Variants in TOGARAM1 observed in about 807,000 individuals in gnomAD.
TOGARAM1 encodes TOG array regulator of axonemal microtubules 1, also known as TOG array regulator of axonemal microtubules protein 1.
A neutral mutation model predicts 166.6 loss-of-function variants in TOGARAM1; 100 were observed. The ratio of observed to expected loss-of-function variants is 0.60; its 90% confidence interval spans 0.51 to 0.71. The LOEUF is 0.71. Ranked by LOEUF, TOGARAM1 falls within the 30% of genes least tolerant of loss-of-function variation. The pLI is 0.00. For synonymous variants in TOGARAM1, 758 were observed against 763.8 expected (o/e 0.99, Z 0.13); for missense variants, 2,029 against 2,102.7 (o/e 0.96, Z 0.69).
intron 11 of TOGARAM1, among the ~76,000 whole-genome samples, chr14:45,043,005 G>A (rs1467071898): frequency 6.6e-6 from 1 of 152,148 alleles, no homozygotes; most frequent in East Asian, 1.9e-4. Context: ...TAGCACCTAA[G>A]AATCATACTG....
intron 7 of TOGARAM1, among the ~76,000 whole-genome samples, chr14:45,017,406 A>AACACAC (rs113544622): frequency 0.046 from 6,737 of 145,198 alleles, 463 homozygotes; most frequent in African/African-American, 0.16. Context: ...ATGCACACAA[A>AACACAC]ACACACACAC....
At chr14:44,966,368 G>T (rs1377341192) in intron 1 of TOGARAM1, among the ~76,000 whole-genome samples, 1 of 151,838 alleles carries the variant, frequency 6.6e-6, no homozygotes, top group Non-Finnish European at 1.5e-5. Context: ...AGCTACTCGG[G>T]AGGCTGAGGC....
At position 44,962,726 on chromosome 14, in the gene TOGARAM1, T is replaced by C; in HGVS notation, c.305T>C (p.Leu102Pro). ...GDEEDTRLLQLLRTARDPSEA... is the reference protein window; with the variant it reads ...GDEEDTRLLQPLRTARDPSEA... ...GAAGAGGACACTCGGCTCCTTCAACTCCTCCGCACTGCCCGGGATCCTTCT... is the reference window on the plus strand; with the variant it reads ...GAAGAGGACACTCGGCTCCTTCAACCCCTCCGCACTGCCCGGGATCCTTCT... Residue 102 changes from leucine to proline, a missense_variant, in exon 1 of 20, where the codon CTC becomes CCC. By Grantham distance (98) the Leu-to-Pro change is moderately conservative. Around this residue, in one of 2 missense-constraint regions of TOGARAM1, gnomAD observed 1,453 missense variants for 1,432.2 expected, o/e 1.01. Transcript: ENST00000361462. The C allele has an allele frequency of 6.2e-7, 1 of 1,613,858 alleles. No homozygotes were observed. Among genetic ancestry groups the C allele is most frequent in the East Asian group, 2.2e-5 (1 of 44,852 alleles).
At position 44,995,893 on chromosome 14, in the gene TOGARAM1, T is replaced by C. The variant is rs749023416; in HGVS notation, c.2194T>C (p.Cys732Arg). 6.2e-7 allele frequency: 1 copy of C among 1,605,942 alleles called. No individual in the cohort carries two copies. The highest frequency in any genetic ancestry group is 1.1e-5 in the South Asian group (1 of 88,972). ...RDFNPDCLPLCAAGTTGTHQT... is the reference protein window; with the variant it reads ...RDFNPDCLPLRAAGTTGTHQT... ...TTTTAACCCAGATTGTCTTCCTTTA[T>C]GTGCTGCTGGTAAGTACAAGTTGCT... The change falls in exon 2 of 20, where the codon TGT (cysteine) becomes CGT (arginine). Residue 732 changes from cysteine to arginine, a missense_variant. By Grantham distance (180) the Cys-to-Arg change is radical. Transcript: ENST00000361462.
rs2273180 is a variant in TOGARAM1, at chr14:44,999,635, T to G, written c.2338+138T>G. On this transcript the variant is annotated intron_variant, in intron 3 of 19. Transcript: ENST00000361462. ...GATTTTGTTATATTTTTAATAACTT[T>G]TTTCATAATTGTTACCCTAAAGTAT... 252 of 692,270 alleles carry G rather than the reference T, an allele frequency of 3.6e-4. 1 individual carries two copies. In the East Asian group the frequency reaches 7.5e-3, roughly 21 times the overall value. 42.9% of individuals were successfully genotyped at this position (692,270 alleles called of 1,614,324 possible).
Position 45,004,259 on chromosome 14 carries a change from A to G in TOGARAM1, c.2537A>G (p.Asn846Ser). The G allele has an allele frequency of 6.2e-7, 1 of 1,614,070 alleles. No individual in the cohort carries two copies. Among genetic ancestry groups the G allele is most frequent in the Non-Finnish European group, 8.5e-7 (1 of 1,179,994 alleles). Residue 846 changes from asparagine (N) to serine (S), a missense_variant, in exon 4 of 20, where the codon AAT (asparagine) becomes AGT (serine). Asn to Ser is a conservative substitution (Grantham distance 46). Around this residue, in one of 2 missense-constraint regions of TOGARAM1, gnomAD observed 1,453 missense variants for 1,432.2 expected, o/e 1.01. Coordinates refer to ENST00000361462, the MANE Select transcript of TOGARAM1 (RefSeq NM_001308120.2). Reference protein sequence around the residue: ...SPKKSQDNSVNFSNSWPLKSF... With the variant: ...SPKKSQDNSVSFSNSWPLKSF... ...AAGAAGTCTCAAGATAATTCTGTTA[A>G]TTTCTCAAATTCCTGGCCTCTTAAA... is the stretch of plus-strand genomic sequence containing the variant.
chr14:44,972,799 A>G lies in TOGARAM1; in HGVS notation c.2046+8332A>G, dbSNP rs186665960. Among the ~76,000 whole-genome samples, 5 of 152,220 alleles carry G rather than the reference A, an allele frequency of 3.3e-5. No individual in the cohort carries two copies. The East Asian group carries it at 9.6e-4, about 29-fold the overall frequency. On this transcript the variant is annotated intron_variant, in intron 1 of 19. Transcript: ENST00000361462. ...TTTCTTGTAGACAGCCTATATAGTA[A>G]TTACTCATTTAAGTTCCTTGATAGG...
At chr14:45,066,886 C>T in intron 17 of TOGARAM1, 119 bp downstream of exon 17, 1 of 644,846 alleles carries the variant, frequency 1.6e-6, no homozygotes, top group Non-Finnish European at 2.5e-6. Context: ...AGTTCAAGCC[C>T]AACCTGGGCA....
At chr14:45,071,893 T>C (rs2139013203) in intron 19 of TOGARAM1, 95 bp downstream of exon 19, 1 of 820,678 alleles carries the variant, frequency 1.2e-6, no homozygotes, top group Admixed American at 2.7e-5. Flanking sequence ...ACCAACTTAA[T>C]ATAGCTACCC....
intron 1 of TOGARAM1, among the ~76,000 whole-genome samples, chr14:44,966,778 A>AT (rs1391813678): frequency 2.0e-5 from 3 of 152,014 alleles, no homozygotes; most frequent in Admixed American, 6.6e-5. Context: ...ACATAGTGAG[A>AT]TCCCCATCTC....
chr14:45,009,440 G>T (rs140971271), intron 6 of TOGARAM1, among the ~76,000 whole-genome samples: 4 of 152,120 alleles, frequency 2.6e-5, no homozygotes, highest in Non-Finnish European at 5.9e-5. Flanking sequence ...AATGCTTTTT[G>T]ACCTTTAGCT....
chr14:45,020,083 AAGG>A (rs1880407045), intron 7 of TOGARAM1, among the ~76,000 whole-genome samples: 1 of 152,114 alleles, frequency 6.6e-6, no homozygotes, highest in Non-Finnish European at 1.5e-5. Flanking sequence ...CCAATTTAAT[AAGG>A]AGGTTAAAGA....
intron 1 of TOGARAM1, among the ~76,000 whole-genome samples, chr14:44,978,518 A>T (rs989425499): frequency 1.1e-4 from 16 of 152,196 alleles, no homozygotes; most frequent in African/African-American, 3.9e-4. Context: ...CTAAAAGAAG[A>T]TCAAAACCAG....
At chr14:44,997,751 G>A (rs546197497) in intron 2 of TOGARAM1, among the ~76,000 whole-genome samples, 26 of 150,490 alleles carry the variant, frequency 1.7e-4, no homozygotes, top group African/African-American at 4.9e-4. Context: ...GTCTCATGCC[G>A]AGATCACACC....
chr14:44,978,272 G>T (rs1176888921), intron 1 of TOGARAM1: 1 of 152,070 alleles, frequency 6.6e-6, no homozygotes, highest in Non-Finnish European at 1.5e-5. Context: ...TCCAAAAAAG[G>T]TGGAGCAGAT....
At chr14:45,000,954 G>A (rs184163817) in intron 3 of TOGARAM1, among the ~76,000 whole-genome samples, 155 of 152,032 alleles carry the variant, frequency 1.0e-3, no homozygotes, top group African/African-American at 3.6e-3. Context: ...GACTAGTCTC[G>A]ATCTCCTGGG....
At chr14:44,988,101 G>A (rs891271751) in intron 1 of TOGARAM1, among the ~76,000 whole-genome samples, 2 of 138,296 alleles carry the variant, frequency 1.4e-5, no homozygotes, top group Non-Finnish European at 3.1e-5. Flanking sequence ...ACTGGGGCCT[G>A]CTGTGAGGTG....
chr14:44,997,582 A>T (rs1470212235), intron 2 of TOGARAM1, among the ~76,000 whole-genome samples: 1 of 152,118 alleles, frequency 6.6e-6, no homozygotes, highest in Non-Finnish European at 1.5e-5. Flanking sequence ...ACAAAAGTAA[A>T]TATTACGGTA....
intron 6 of TOGARAM1, among the ~76,000 whole-genome samples, chr14:45,011,225 C>T (rs1175467892): frequency 6.6e-6 from 1 of 152,134 alleles, no homozygotes; most frequent in Non-Finnish European, 1.5e-5. Context: ...TGATCTCTTA[C>T]TTATAATATA....
Sources: gnomAD v4.1 joint callset for allele counts (sites outside exome capture counted in the v4.1 genomes callset) on GRCh38, gnomAD v4.1.1 for gene constraint, gnomAD v4.1.1 regional missense constraint, MANE v1.5 for transcripts, NCBI Gene and HGNC (gene_info 2026-07-23, HGNC 2026-07-21) for gene names.